Variants in TRPM3 observed in about 807,000 individuals in gnomAD.
The protein encoded by TRPM3 is transient receptor potential cation channel subfamily M member 3, also known as long transient receptor potential channel 3.
Under a neutral mutation model 181.2 loss-of-function variants are expected in TRPM3, and 77 were observed. The ratio of observed to expected loss-of-function variants is 0.42; its 90% confidence interval spans 0.35 to 0.51. TRPM3 has a LOEUF of 0.51. TRPM3 is among the 20% of genes least tolerant of loss of function. TRPM3 has a pLI of 0.01. For missense variants in TRPM3, 1,759 were observed against 2,196.7 expected (o/e 0.80, Z 3.98); for synonymous variants, 745 against 796.4 (o/e 0.94, Z 1.09).
At chr9:70,681,724 G>A (rs980267374) in intron 8 of TRPM3, 146 bp from the exon 9 acceptor site, 8 of 692,144 alleles carry the variant, frequency 1.2e-5, no homozygotes, top group Admixed American at 2.6e-5. Flanking sequence ...ACAAGAATCC[G>A]ATGAGAGAGC....
At chr9:71,343,406 T>C (rs2132619801) in intron 1 of TRPM3, among the ~76,000 whole-genome samples, 1 of 152,198 alleles carries the variant, frequency 6.6e-6, no homozygotes, top group South Asian at 2.1e-4. Context: ...GAACTTTTAT[T>C]AGTAGGTTGG....
intron 17 of TRPM3, among the ~76,000 whole-genome samples, chr9:70,618,502 AG>A (rs2063130310): frequency 6.6e-6 from 1 of 152,208 alleles, no homozygotes; most frequent in African/African-American, 2.4e-5. Flanking sequence ...CCAGGGGTTC[AG>A]GCACCCTCTG....
intron 1 of TRPM3, among the ~76,000 whole-genome samples, chr9:71,244,209 A>G (rs2081898693): frequency 6.6e-6 from 1 of 152,190 alleles, no homozygotes; most frequent in Non-Finnish European, 1.5e-5. Context: ...ACATTCCCGT[A>G]GCAGCATGAA....
chr9:70,781,674 C>T (rs1010505001), intron 7 of TRPM3, among the ~76,000 whole-genome samples: 1 of 151,970 alleles, frequency 6.6e-6, no homozygotes, highest in East Asian at 1.9e-4. Flanking sequence ...GGATTCTGGC[C>T]TGGGATCTTG....
rs12341596 is a variant in TRPM3, at chr9:70,576,664, G to A, written c.3223+14367C>T. Among the ~76,000 whole-genome samples, 1,276 of 151,982 alleles carry A rather than the reference G, an allele frequency of 8.4e-3. 18 individuals are homozygous for A. The highest frequency in any genetic ancestry group is 0.029 in the African/African-American group (1,209 of 41,436). On this transcript the variant is annotated intron_variant, in intron 22 of 25. Transcript: ENST00000677713. ...CTAGTAGCTGGGATTATAGGCACCC[G>A]CCACCGTGCCCGGCTAATTTTTGTA...
At chr9:71,183,368 G>C (rs1024247771) in intron 1 of TRPM3, among the ~76,000 whole-genome samples, 1 of 152,014 alleles carries the variant, frequency 6.6e-6, no homozygotes, top group East Asian at 1.9e-4. Context: ...CTTTTTCGTG[G>C]AAGTTCTCCT....
intron 1 of TRPM3, among the ~76,000 whole-genome samples, chr9:70,960,883 G>A (rs528595089): frequency 1.3e-5 from 2 of 152,232 alleles, no homozygotes; most frequent in Admixed American, 1.3e-4. Flanking sequence ...AATGTTCAAT[G>A]ATTTTGTGCT....
chr9:71,074,531 T>C (rs2063191673), intron 1 of TRPM3, among the ~76,000 whole-genome samples: 1 of 152,172 alleles, frequency 6.6e-6, no homozygotes, highest in South Asian at 2.1e-4. Flanking sequence ...ATTAGGCTGG[T>C]ACAAAAGTAA....
At chr9:71,284,905 T>C (rs1228104957) in intron 1 of TRPM3, among the ~76,000 whole-genome samples, 2 of 152,206 alleles carry the variant, frequency 1.3e-5, no homozygotes, top group Non-Finnish European at 2.9e-5. Context: ...GAATTTTGTA[T>C]CACACTTACA....
chr9:71,361,720 T>A (rs545816894), intron 1 of TRPM3, among the ~76,000 whole-genome samples: 3 of 152,302 alleles, frequency 2.0e-5, no homozygotes, highest in African/African-American at 7.2e-5. Context: ...GCTTTTATTG[T>A]CTCCAGTGCC....
At chr9:71,017,564 T>C (rs576616685) in intron 1 of TRPM3, among the ~76,000 whole-genome samples, 1 of 151,892 alleles carries the variant, frequency 6.6e-6, no homozygotes, top group South Asian at 2.1e-4. Flanking sequence ...AAAGACAGGC[T>C]AATATCAGAC....
At position 71,039,158 on chromosome 9, in the gene TRPM3, G is replaced by A. The variant is rs117131340; in HGVS notation, c.177+82020C>T. The stretch of plus-strand genomic sequence containing the variant: ...TGGAAGCCAGTGTGGTCAGCGTGGT[G>A]TATGGACAATGGACTCTGAAATCAG... On this transcript the variant is annotated intron_variant, in intron 1 of 25. Transcript: ENST00000677713. Among the ~76,000 whole-genome samples the A allele has an allele frequency of 5.1e-3, 783 of 152,298 alleles. 19 individuals carry two copies. The East Asian group carries it at 0.077, about 15-fold the overall frequency.
intron 1 of TRPM3, among the ~76,000 whole-genome samples, chr9:71,196,975 G>A (rs928154349): frequency 6.0e-5 from 9 of 150,528 alleles, no homozygotes; most frequent in South Asian, 2.1e-4. Context: ...CCCATTACTC[G>A]TCATTTAACA....
chr9:71,253,589 A>G (rs1565388045), intron 1 of TRPM3, among the ~76,000 whole-genome samples: 1 of 152,178 alleles, frequency 6.6e-6, no homozygotes, highest in Non-Finnish European at 1.5e-5. Context: ...GTTGCCCCCA[A>G]ATTTATCCTC....
intron 1 of TRPM3, among the ~76,000 whole-genome samples, chr9:71,445,115 C>T (rs887111033): frequency 6.6e-6 from 1 of 152,162 alleles, no homozygotes; most frequent in Non-Finnish European, 1.5e-5. Context: ...GGTAACAAAC[C>T]TGCAATCATT....
chr9:71,021,740 T>C (rs1173199722), intron 1 of TRPM3, among the ~76,000 whole-genome samples: 1 of 152,126 alleles, frequency 6.6e-6, no homozygotes, highest in Non-Finnish European at 1.5e-5. Flanking sequence ...GAGATGAAGC[T>C]TCCAGGATTC....
chr9:71,178,513 T>G (rs2077228505), intron 1 of TRPM3, among the ~76,000 whole-genome samples: 1 of 152,128 alleles, frequency 6.6e-6, no homozygotes, highest in Non-Finnish European at 1.5e-5. Context: ...CTAGTCCACA[T>G]CAAAGATGTT....
chr9:70,921,942 A>AACACAC (rs71367238), intron 1 of TRPM3, among the ~76,000 whole-genome samples: 3,855 of 139,436 alleles, frequency 0.028, 113 homozygotes, highest in African/African-American at 0.076. Context: ...CACACAAACA[A>AACACAC]ACACACACAC....
chr9:71,323,760 A>G (rs1424826006), intron 1 of TRPM3, among the ~76,000 whole-genome samples: 1 of 152,152 alleles, frequency 6.6e-6, no homozygotes, highest in Non-Finnish European at 1.5e-5. Context: ...TAAAGTTGAC[A>G]CGTTAAGATG....
Sources: allele counts gnomAD v4.1 joint callset (sites outside exome capture counted in the v4.1 genomes callset), GRCh38; gene constraint gnomAD v4.1.1; transcripts MANE v1.5; gene names NCBI Gene and HGNC (gene_info 2026-07-23, HGNC 2026-07-21).